MYO9A: variants seen among roughly 807,000 people sequenced by gnomAD.
MYO9A encodes unconventional myosin-IXa.
A neutral mutation model predicts 293.3 loss-of-function variants in MYO9A; 103 were observed. The observed-to-expected ratio is 0.35, with a 90% confidence interval of 0.30 to 0.41. MYO9A has a LOEUF of 0.41. MYO9A is among the 10% of genes least tolerant of loss of function. The pLI is 1.00. For synonymous variants in MYO9A, 1,001 were observed against 1,035.7 expected (o/e 0.97, Z 0.64); for missense variants, 2,685 against 3,033.0 (o/e 0.89, Z 2.69).
chr15:72,052,168 G>A (rs1356622236), intron 1 of MYO9A, among the ~76,000 whole-genome samples: 1 of 152,180 alleles, frequency 6.6e-6, no homozygotes, highest in African/African-American at 2.4e-5. Context: ...CAGCTGCAGG[G>A]AGAAGCTACC....
At chr15:72,065,993 G>A (rs1009745659) in intron 1 of MYO9A, among the ~76,000 whole-genome samples, 6 of 152,134 alleles carry the variant, frequency 3.9e-5, no homozygotes, top group African/African-American at 1.4e-4. Context: ...ACATAAACAC[G>A]TCTTGAAATA....
intron 1 of MYO9A, among the ~76,000 whole-genome samples, chr15:72,066,162 A>G (rs201805213): frequency 1.3e-5 from 2 of 152,334 alleles, no homozygotes; most frequent in East Asian, 3.9e-4. Flanking sequence ...ATACTTGAGT[A>G]CCACTGGAGA....
At chr15:72,110,000 A>G (rs1006170956) in intron 1 of MYO9A, among the ~76,000 whole-genome samples, 5 of 151,278 alleles carry the variant, frequency 3.3e-5, no homozygotes, top group Non-Finnish European at 7.4e-5. Flanking sequence ...AAAAAAAAAA[A>G]AAAAATCTAG....
rs547330964 is a variant in MYO9A, at chr15:71,906,161, G to C, written c.2686-1155C>G. ...GATTGATGTCTTTCTTTGATTTCTG[G>C]TTTAATTCTATTATAAATACAACAT... is the stretch of plus-strand genomic sequence containing the variant. On this transcript the variant is annotated intron_variant, in intron 19 of 41. Coordinates refer to ENST00000356056, the MANE Select transcript of MYO9A (RefSeq NM_006901.4). Among the ~76,000 whole-genome samples, 37 of 151,962 alleles carry C rather than the reference G, an allele frequency of 2.4e-4. No individual in the cohort carries two copies. The South Asian group carries it at 7.7e-3, about 32-fold the overall frequency.
chr15:71,912,391 G>A (rs1397389471), intron 19 of MYO9A, among the ~76,000 whole-genome samples: 1 of 152,032 alleles, frequency 6.6e-6, no homozygotes, highest in Admixed American at 6.6e-5. Flanking sequence ...AAGTAGCTGG[G>A]ATTACAGGCG....
chr15:72,001,948 T>C (rs776489144), intron 8 of MYO9A, among the ~76,000 whole-genome samples: 3 of 152,094 alleles, frequency 2.0e-5, no homozygotes, highest in Admixed American at 1.3e-4. Context: ...TCCAAAGCTA[T>C]ATTGTGAGGT....
intron 13 of MYO9A, among the ~76,000 whole-genome samples, chr15:71,966,054 T>C (rs1424560824): frequency 6.6e-6 from 1 of 151,774 alleles, no homozygotes; most frequent in Non-Finnish European, 1.5e-5. Context: ...TTTTTGTATT[T>C]TTAGTAGAGA....
rs140511701 is a variant in MYO9A at position 72,046,268 on chromosome 15, C to G, written c.296G>C (p.Ser99Thr). ...CAGAAGGAAGCGGTAGTCCTCTCCA[C>G]TTAAGCGATTTTCCAGAGCCATTCG... ...WPRMALENRL[S>T]GEDYRFLLRE... The change falls in exon 2 of 42, where the codon AGT (serine) becomes ACT (threonine). Residue 99 changes from serine to threonine, a missense_variant. Physicochemically the swap from Ser to Thr is moderately conservative, Grantham distance 58. Around this residue, in one of 10 missense-constraint regions of MYO9A, gnomAD observed 63 missense variants for 57.9 expected, o/e 1.09. Coordinates refer to ENST00000356056, the MANE Select transcript of MYO9A (RefSeq NM_006901.4). 27 of 1,613,928 alleles carry G rather than the reference C, an allele frequency of 1.7e-5. No homozygotes were observed. In the African/African-American group the frequency reaches 2.7e-4, roughly 16 times the overall value.
intron 3 of MYO9A, among the ~76,000 whole-genome samples, chr15:72,028,214 A>AATAAATATATATATATATATAT (rs1272277909): frequency 1.6e-4 from 6 of 37,550 alleles, no homozygotes; most frequent in African/African-American, 3.9e-4. Context: ...TAAATAAATA[A>AATAAATATATATATATATATAT]ATAAATATAT....
At chr15:72,000,168 C>G (rs2076822838) in intron 8 of MYO9A, among the ~76,000 whole-genome samples, 1 of 152,126 alleles carries the variant, frequency 6.6e-6, no homozygotes, top group Non-Finnish European at 1.5e-5. Context: ...CTGATCATAA[C>G]AGAGAAACAT....
At chr15:72,112,044 C>T (rs113727961) in intron 1 of MYO9A, among the ~76,000 whole-genome samples, 2,415 of 152,072 alleles carry the variant, frequency 0.016, 75 homozygotes, top group African/African-American at 0.055. Context: ...TTTGAGAATC[C>T]ATATTCTCTC....
At chr15:72,107,853 T>C (rs978167086) in intron 1 of MYO9A, among the ~76,000 whole-genome samples, 7 of 148,896 alleles carry the variant, frequency 4.7e-5, no homozygotes, top group African/African-American at 1.7e-4. Flanking sequence ...CATGAGACCA[T>C]TAAAAACCTC....
chr15:71,997,315 A>G (rs2076726081), intron 9 of MYO9A, among the ~76,000 whole-genome samples: 2 of 152,122 alleles, frequency 1.3e-5, no homozygotes, highest in Non-Finnish European at 2.9e-5. Context: ...TATTAAAGAA[A>G]TAACAGCCGG....
chr15:71,902,196 G>A (rs1043439245), intron 22 of MYO9A, among the ~76,000 whole-genome samples: 2 of 151,800 alleles, frequency 1.3e-5, no homozygotes, highest in Admixed American at 1.3e-4. Flanking sequence ...GGAGACAACG[G>A]GACAATTAAT....
chr15:72,109,077 A>G (rs905236548), intron 1 of MYO9A, among the ~76,000 whole-genome samples: 1 of 152,072 alleles, frequency 6.6e-6, no homozygotes, highest in Non-Finnish European at 1.5e-5. Flanking sequence ...CTTACTTTCA[A>G]AAGGTTCTGC....
In MYO9A at chr15:71,880,514, G is replaced by A. The variant is rs761672120; in HGVS notation, c.5443C>T (p.Pro1815Ser). 1.2e-6 allele frequency: 2 copies of A among 1,614,084 alleles called. No homozygotes were observed. Among genetic ancestry groups the A allele is most frequent in the East Asian group, 4.5e-5 (2 of 44,904 alleles). Residue 1815 changes from proline to serine, a missense_variant, in exon 29 of 42, where the codon CCC becomes TCC. Pro to Ser is a moderately conservative substitution (Grantham distance 74). Transcript: ENST00000356056. ...TTGAATTCCTTCCGGCAACTGCCGGGCAGTTCTGGGCTCAAAGGAGGTGTT... is the reference window on the plus strand; with the variant it reads ...TTGAATTCCTTCCGGCAACTGCCGGACAGTTCTGGGCTCAAAGGAGGTGTT... ...HPTPPLSPEL[P>S]GSCRKEFKEN...
intron 1 of MYO9A, among the ~76,000 whole-genome samples, chr15:72,062,239 A>G (rs2078898580): frequency 6.6e-6 from 1 of 152,188 alleles, no homozygotes; most frequent in African/African-American, 2.4e-5. Flanking sequence ...GAGGACAGGT[A>G]CAAAAAAGCC....
intron 8 of MYO9A, among the ~76,000 whole-genome samples, chr15:72,003,524 G>A (rs2076931469): frequency 2.0e-5 from 3 of 151,280 alleles, no homozygotes; most frequent in East Asian, 1.9e-4. Flanking sequence ...GTGAAACCCC[G>A]TCTCTACTAA....
Position 72,118,113 on chromosome 15 carries a change from G to A in MYO9A, c.-505C>T. 4 of 386,542 alleles carry A rather than the reference G, an allele frequency of 1.0e-5. No individual in the cohort carries two copies. The highest frequency in any genetic ancestry group is 1.8e-5 in the Non-Finnish European group (4 of 219,178). 23.9% of individuals were successfully genotyped at this position (386,542 alleles called of 1,614,324 possible). A position where few individuals can be genotyped will look rare whatever the true frequency, so the allele number is the denominator to read the frequency against. On this transcript the variant is annotated 5_prime_UTR_variant, in exon 1 of 42. Coordinates refer to ENST00000356056, the MANE Select transcript of MYO9A (RefSeq NM_006901.4). ...GACCCCGCGCACGCGGCCCCGCCCC[G>A]CGCGACTCCCCGGCTGCAGGCGAGC...
Sources: allele counts gnomAD v4.1 joint callset (sites outside exome capture counted in the v4.1 genomes callset), GRCh38; gene constraint gnomAD v4.1.1; regional missense constraint gnomAD v4.1.1; transcripts MANE v1.5; gene names NCBI Gene and HGNC (gene_info 2026-07-23, HGNC 2026-07-21).